Variants in MPP7 observed in about 807,000 individuals in gnomAD.
MPP7 encodes MAGUK p55 subfamily member 7.
A neutral mutation model predicts 76.5 loss-of-function variants in MPP7; 60 were observed. The observed-to-expected ratio is 0.78, with a 90% confidence interval of 0.64 to 0.97. The LOEUF is 0.97. Among genes scored for constraint, MPP7 ranks in the 50% least tolerant of loss-of-function variants. The pLI is 0.00. For synonymous variants in MPP7, 237 were observed against 244.5 expected, an observed-to-expected ratio of 0.97 and a Z score of 0.29; for missense variants, 641 against 694.0, an observed-to-expected ratio of 0.92 and a Z score of 0.86.
At chr10:28,209,558 T>G (rs1012895684) in intron 2 of MPP7, among the ~76,000 whole-genome samples, 47 of 152,198 alleles carry the variant, frequency 3.1e-4, no homozygotes, top group African/African-American at 1.1e-3. Context: ...TTTCTGTTGT[T>G]TGGCATTGGA....
At chr10:28,130,108 G>C (rs1483522201) in intron 6 of MPP7, among the ~76,000 whole-genome samples, 1 of 151,660 alleles carries the variant, frequency 6.6e-6, no homozygotes, top group Non-Finnish European at 1.5e-5. Flanking sequence ...GTATTAACTA[G>C]AATATAAATT....
rs1011565055 is a variant in MPP7, at chr10:28,051,093, T to G, written c.*2972A>C. 2 of 152,170 alleles carry G rather than the reference T, an allele frequency of 1.3e-5. No individual in the cohort carries two copies. The highest frequency in any genetic ancestry group is 4.8e-5 in the African/African-American group (2 of 41,440). The allele number at this position is 152,170 out of a possible 1,614,324, so 9.4% of individuals were successfully genotyped here. On this transcript the variant is annotated 3_prime_UTR_variant, in exon 17 of 17. Transcript: ENST00000683449. ...ATATAATTTGTTCTACCATGGGAAA[T>G]AGTATAATGGAATAGATCACAATAG...
chr10:28,070,635 A>G (rs113017478), intron 12 of MPP7, among the ~76,000 whole-genome samples: 1 of 152,188 alleles, frequency 6.6e-6, no homozygotes, highest in Non-Finnish European at 1.5e-5. Context: ...CTTTTCCTGT[A>G]CTATAGACTT....
In MPP7 at chr10:28,142,714, G is replaced by C. The variant is rs1435965522; in HGVS notation, c.315+4769C>G. 3.3e-5 allele frequency among the ~76,000 whole-genome samples: 5 copies of C among 152,192 alleles called. No individual in the cohort carries two copies. The South Asian group carries it at 8.3e-4, about 25-fold the overall frequency. ...CCACTGCACGCCAACCTGGGTGACA[G>C]AGCGAGACTCTGTCTCAAAAAAAGA... On this transcript the variant is annotated intron_variant, in intron 5 of 16. Transcript: ENST00000683449.
intron 2 of MPP7, among the ~76,000 whole-genome samples, chr10:28,231,207 A>C (rs564512090): frequency 1.0e-3 from 154 of 152,036 alleles, no homozygotes; most frequent in Non-Finnish European, 1.9e-3. Context: ...TTATGTGAAT[A>C]TTTTTTTAAT....
intron 3 of MPP7, among the ~76,000 whole-genome samples, chr10:28,191,936 C>T (rs1837424244): frequency 3.3e-5 from 5 of 152,014 alleles, no homozygotes; most frequent in Admixed American, 3.3e-4. Context: ...CCAGCCTGAC[C>T]AACATGATGA....
chr10:28,253,857 A>G (rs888934537), intron 1 of MPP7, among the ~76,000 whole-genome samples: 4 of 151,758 alleles, frequency 2.6e-5, no homozygotes, highest in African/African-American at 7.3e-5. Flanking sequence ...TTAGCCGGGT[A>G]TGGTCGGGGG....
chr10:28,315,682 T>G (rs1301256213), intron 2 of MPP7, among the ~76,000 whole-genome samples: 1 of 152,136 alleles, frequency 6.6e-6, no homozygotes, highest in African/African-American at 2.4e-5. Context: ...CAGAAGAATT[T>G]TAAATCATTT....
At chr10:28,315,444 C>T (rs192696798) in intron 2 of MPP7, among the ~76,000 whole-genome samples, 14 of 152,156 alleles carry the variant, frequency 9.2e-5, no homozygotes, top group Admixed American at 9.2e-4. Context: ...GAGCGTTGTG[C>T]CCCCTTTTCG....
chr10:28,241,854 A>T (rs1839280695), intron 1 of MPP7, among the ~76,000 whole-genome samples: 1 of 152,158 alleles, frequency 6.6e-6, no homozygotes, highest in Non-Finnish European at 1.5e-5. Flanking sequence ...GCTTCTATAT[A>T]TCACACTGTA....
At chr10:28,152,083 C>A (rs1835901566) in intron 3 of MPP7, among the ~76,000 whole-genome samples, 1 of 152,136 alleles carries the variant, frequency 6.6e-6, no homozygotes, top group African/African-American at 2.4e-5. Context: ...TATGAATACT[C>A]TAATTATAAC....
At chr10:28,283,845 A>C (rs1840736328) in intron 1 of MPP7, among the ~76,000 whole-genome samples, 1 of 152,184 alleles carries the variant, frequency 6.6e-6, no homozygotes, top group African/African-American at 2.4e-5. Context: ...CAAAATTGTT[A>C]TTAGACAGGA....
chr10:28,226,670 AAAAATGG>A (rs1564716052), intron 2 of MPP7, among the ~76,000 whole-genome samples: 2 of 104,538 alleles, frequency 1.9e-5, no homozygotes, highest in Non-Finnish European at 4.0e-5. Context: ...TTTTATACTT[AAAAATGG>A]TAAAAATGGC....
At chr10:28,291,476 A>G (rs904818425) in intron 1 of MPP7, among the ~76,000 whole-genome samples, 1 of 152,194 alleles carries the variant, frequency 6.6e-6, no homozygotes. Context: ...GTGGTAGCAC[A>G]TGCCTGTAAT....
intron 15 of MPP7, 117 bp downstream of exon 15, chr10:28,058,378 A>G: frequency 2.0e-6 from 1 of 500,298 alleles, no homozygotes; most frequent in Non-Finnish European, 3.6e-6. Context: ...ATCTCAGAAA[A>G]GCCACATATA....
chr10:28,161,182 A>G (rs1836248913), intron 3 of MPP7, among the ~76,000 whole-genome samples: 2 of 152,066 alleles, frequency 1.3e-5, no homozygotes, highest in South Asian at 4.1e-4. Flanking sequence ...TACATTTTTC[A>G]TTTACTTTCA....
At chr10:28,132,761 G>A (rs2133687079) in intron 5 of MPP7, among the ~76,000 whole-genome samples, 1 of 152,232 alleles carries the variant, frequency 6.6e-6, no homozygotes, top group African/African-American at 2.4e-5. Flanking sequence ...ACCACGCCTG[G>A]CTAGTTTTTT....
chr10:28,334,956 T>A (rs1437717454), upstream of MPP7, among the ~76,000 whole-genome samples: 1 of 152,150 alleles, frequency 6.6e-6, no homozygotes. Flanking sequence ...GGGTCAGAAA[T>A]GAGGAGGCAA....
chr10:28,128,532 C>G (rs181907705), intron 6 of MPP7, among the ~76,000 whole-genome samples: 1 of 152,204 alleles, frequency 6.6e-6, no homozygotes, highest in Non-Finnish European at 1.5e-5. Context: ...GAAAGGGGAT[C>G]TGGCTATATT....
Sources: allele counts gnomAD v4.1 joint callset (sites outside exome capture counted in the v4.1 genomes callset), GRCh38; gene constraint gnomAD v4.1.1; transcripts MANE v1.5; gene names NCBI Gene and HGNC (gene_info 2026-07-23, HGNC 2026-07-21).